DIAPH1: variants seen among roughly 807,000 people sequenced by gnomAD.
The protein encoded by DIAPH1 is protein diaphanous homolog 1.
A neutral mutation model predicts 140.7 loss-of-function variants in DIAPH1; 46 were observed. The observed-to-expected ratio is 0.33, with a 90% CI of 0.26 to 0.42. DIAPH1 has a LOEUF of 0.42. DIAPH1 is among the 10% of genes least tolerant of loss of function. The probability of loss-of-function intolerance (pLI) is 1.00; values close to 1 mark genes in which losing one functional copy is unlikely to be tolerated. For missense variants in DIAPH1, 1,310 were observed against 1,558.7 expected, an observed-to-expected ratio of 0.84 and a Z score of 2.69; for synonymous variants, 565 against 551.6, an observed-to-expected ratio of 1.02 and a Z score of -0.34.
chr5:141,573,933 G>A lies in DIAPH1; in HGVS notation c.1917C>T (p.Ile639=), dbSNP rs1221908801. 6.4e-7 allele frequency: 1 copy of A among 1,551,180 alleles called. No individual in the cohort carries two copies. Among genetic ancestry groups the A allele is most frequent in the Admixed American group, 2.0e-5 (1 of 50,724 alleles). Reference sequence around the variant, plus strand: ...CCCCAGACAAAGGAGGGGGTGGAGAGATAGCAGTACCTCCAGGTAAAGAAG... The same window carrying A: ...CCCCAGACAAAGGAGGGGGTGGAGAAATAGCAGTACCTCCAGGTAAAGAAG... The part of the protein sequence containing the change: ...SPPSLPGGTA[I]SPPPPLSGDA... The change falls in exon 16 of 28, where the codon ATC becomes ATT. Residue 639 remains isoleucine, a synonymous_variant. Coordinates refer to ENST00000389054, the MANE Select transcript of DIAPH1 (RefSeq NM_005219.5).
chr5:141,524,183 C>T lies in DIAPH1; in HGVS notation c.3621G>A (p.Gln1207=). 6.2e-7 allele frequency: 1 copy of T among 1,614,180 alleles called. No individual in the cohort carries two copies. Among genetic ancestry groups the T allele is most frequent in the Non-Finnish European group, 8.5e-7 (1 of 1,180,036 alleles). The change falls in exon 27 of 28, where the codon CAG becomes CAA. Residue 1207 remains glutamine, a synonymous_variant. Transcript: ENST00000389054. ...GVMDSLLEAL[Q]SGAAFRRKRG... The stretch of plus-strand genomic sequence containing the variant: ...TCTTCCGTCGGAATGCTGCCCCTGA[C>T]TGCAGGGCTTCTAGAAGACTGTCCA...
At chr5:141,588,473 GAAAA>G (rs368869644) in intron 1 of DIAPH1, among the ~76,000 whole-genome samples, 1 of 86,642 alleles carries the variant, frequency 1.2e-5, no homozygotes, top group Non-Finnish European at 2.5e-5. Context: ...TCTTAAAAAG[GAAAA>G]AAAAAAAAAA....
chr5:141,577,125 C>T (rs1011407401), intron 12 of DIAPH1, among the ~76,000 whole-genome samples: 3 of 152,190 alleles, frequency 2.0e-5, no homozygotes, highest in South Asian at 2.1e-4. Flanking sequence ...TAAAAATTTG[C>T]GTTTGATCCT....
chr5:141,591,653 T>TA (rs1013898969), intron 1 of DIAPH1, among the ~76,000 whole-genome samples: 1 of 138,308 alleles, frequency 7.2e-6, no homozygotes, highest in Non-Finnish European at 1.5e-5. Flanking sequence ...CAATATCCAC[T>TA]AACTCTCGCC....
Position 141,527,699 on chromosome 5 carries a change from T to TAAAAAAAAAAAAAAAAAA in DIAPH1, c.3149-20_3149-3dup. 1.3e-5 allele frequency: 15 copies of TAAAAAAAAAAAAAAAAAA among 1,130,064 alleles called. No individual in the cohort carries two copies. The highest frequency in any genetic ancestry group is 4.2e-5 in the Admixed American group (1 of 23,834). 70.0% of individuals were successfully genotyped at this position (1,130,064 alleles called of 1,614,324 possible). A position where few individuals can be genotyped will look rare whatever the true frequency, so the allele number is the denominator to read the frequency against. On this transcript the variant is annotated splice_polypyrimidine_tract_variant and splice_region_variant and intron_variant, in intron 23 of 27. Transcript: ENST00000389054. The stretch of plus-strand genomic sequence containing the variant: ...TCTTTTGCAAGTTTTCAGCAGAAAC[T>TAAAAAAAAAAAAAAAAAA]AAAAAAAAAAAAAAAAAAAAAAACC...
chr5:141,574,951 C>T lies in DIAPH1; in HGVS notation c.1641+16G>A. On this transcript the variant is annotated intron_variant, in intron 15 of 27. Transcript: ENST00000389054. ...TGAGGTTACAGGTCATTCTGCCTTC[C>T]CTGCTCAGGCATTACCTCTCCTGTG... 1 of 1,614,076 alleles carries T rather than the reference C, an allele frequency of 6.2e-7. No homozygotes were observed. Among genetic ancestry groups the T allele is most frequent in the Admixed American group, 1.7e-5 (1 of 60,026 alleles).
chr5:141,515,727 C>A lies in DIAPH1; in HGVS notation c.*1124G>T, dbSNP rs1023232296. 1 of 152,164 alleles carries A rather than the reference C, an allele frequency of 6.6e-6. No individual in the cohort carries two copies. Among genetic ancestry groups the A allele is most frequent in the Non-Finnish European group, 1.5e-5 (1 of 68,050 alleles). The allele number at this position is 152,164 out of a possible 1,614,324, so 9.4% of individuals were successfully genotyped here. ...TACTCTTAGGCCTGGCCCAGCTCAA[C>A]CAGAGAAGGGGTTCCTCCTGTGTCG... On this transcript the variant is annotated 3_prime_UTR_variant, in exon 28 of 28. Coordinates refer to ENST00000389054, the MANE Select transcript of DIAPH1 (RefSeq NM_005219.5).
At chr5:141,529,103 A>C (rs951882554) in intron 21 of DIAPH1, 69 bp downstream of exon 21, 2 of 1,548,138 alleles carry the variant, frequency 1.3e-6, no homozygotes, top group African/African-American at 2.7e-5. Flanking sequence ...GCATATGCCC[A>C]GGCTGCTCTC....
intron 18 of DIAPH1, among the ~76,000 whole-genome samples, chr5:141,541,711 GAAGA>G (rs1319608798): frequency 2.7e-5 from 4 of 148,086 alleles, no homozygotes; most frequent in Non-Finnish European, 6.0e-5. Flanking sequence ...GAAAGAAAAA[GAAGA>G]AAGAAAGAAA....
rs1373595838 is a variant in DIAPH1, at chr5:141,526,396, G to A, written c.3339C>T (p.Thr1113=). The change falls in exon 25 of 28, where the codon ACC becomes ACT. Residue 1113 remains threonine (T), a synonymous_variant. Coordinates refer to ENST00000389054, the MANE Select transcript of DIAPH1 (RefSeq NM_005219.5). ...KLRMMHSNME[T]LYKELGEYFL... The stretch of plus-strand genomic sequence containing the variant: ...AGTACTCGCCCAGCTCCTTATAGAG[G>A]GTCTCCATGTTAGAATGCATCATCC... The A allele has an allele frequency of 1.2e-6, 2 of 1,614,034 alleles. No homozygotes were observed. The highest frequency in any genetic ancestry group is 2.2e-5 in the East Asian group (1 of 44,874).
intron 1 of DIAPH1, among the ~76,000 whole-genome samples, chr5:141,589,465 C>T (rs1364982879): frequency 6.6e-6 from 1 of 152,034 alleles, no homozygotes; most frequent in Admixed American, 6.6e-5. Flanking sequence ...TATATTGGTA[C>T]AAGGAAAGCA....
At position 141,526,383 on chromosome 5, in the gene DIAPH1, G is replaced by A. The variant is rs777586861; in HGVS notation, c.3352C>T (p.Leu1118=). The part of the protein sequence containing the change: ...HSNMETLYKE[L]GEYFLFDPKK... ...GGGTCAAAGAGGAAGTACTCGCCCAGCTCCTTATAGAGGGTCTCCATGTTA... is the reference window on the plus strand; with the variant it reads ...GGGTCAAAGAGGAAGTACTCGCCCAACTCCTTATAGAGGGTCTCCATGTTA... Residue 1118 remains leucine, a synonymous_variant, in exon 25 of 28, where the codon CTG becomes TTG. Coordinates refer to ENST00000389054, the MANE Select transcript of DIAPH1 (RefSeq NM_005219.5). The A allele has an allele frequency of 6.2e-7, 1 of 1,614,162 alleles. No homozygotes were observed. Among genetic ancestry groups the A allele is most frequent in the Non-Finnish European group, 8.5e-7 (1 of 1,180,032 alleles).
At chr5:141,577,958 T>C (rs1241827726) in intron 11 of DIAPH1, 15 of 557,750 alleles carry the variant, frequency 2.7e-5, no homozygotes, top group Non-Finnish European at 4.5e-5. Context: ...CTTAGTAAGC[T>C]AAGCTATCAC....
At chr5:141,524,424 A>G in intron 26 of DIAPH1, 195 bp from the exon 27 acceptor site, 4 of 641,770 alleles carry the variant, frequency 6.2e-6, no homozygotes, top group Non-Finnish European at 1.1e-5. Flanking sequence ...AAAAATGGTT[A>G]AAACAAAAGA....
intron 18 of DIAPH1, among the ~76,000 whole-genome samples, chr5:141,539,649 C>T (rs1368614784): frequency 6.6e-6 from 1 of 151,836 alleles, no homozygotes; most frequent in Non-Finnish European, 1.5e-5. Flanking sequence ...TTTTTTCTTG[C>T]GTCAGTTTTG....
At chr5:141,599,870 C>CT (rs5871779) in intron 1 of DIAPH1, among the ~76,000 whole-genome samples, 5 of 151,198 alleles carry the variant, frequency 3.3e-5, no homozygotes, top group Admixed American at 2.0e-4. Flanking sequence ...GCAAAATTGA[C>CT]TTTTTTTTTG....
intron 11 of DIAPH1, 57 bp downstream of exon 11, chr5:141,578,168 G>C: frequency 7.9e-7 from 1 of 1,264,560 alleles, no homozygotes; most frequent in Non-Finnish European, 1.2e-6. Context: ...ACAGGGATCA[G>C]GGAACTAAAT....
At chr5:141,554,786 T>C (rs949796990) in intron 18 of DIAPH1, among the ~76,000 whole-genome samples, 1 of 152,086 alleles carries the variant, frequency 6.6e-6, no homozygotes, top group African/African-American at 2.4e-5. Context: ...CAGATTAAAG[T>C]AGAAAATTAT....
In DIAPH1 at chr5:141,560,939, G is replaced by A. The variant is rs534157445; in HGVS notation, c.2482+10489C>T. The A allele has an allele frequency of 1.8e-5, 8 of 455,508 alleles. No homozygotes were observed. The East Asian group carries it at 2.8e-4, about 16-fold the overall frequency. 28.2% of individuals were successfully genotyped at this position (455,508 alleles called of 1,614,324 possible). A position where few individuals can be genotyped will look rare whatever the true frequency, so the allele number is the denominator to read the frequency against. On this transcript the variant is annotated intron_variant, in intron 18 of 27. Coordinates refer to ENST00000389054, the MANE Select transcript of DIAPH1 (RefSeq NM_005219.5). Reference sequence around the variant, plus strand: ...GCCAGGAAAGGGTGGGGAAAGATGAGGGGGGGAAGGGGTGGAGATGGGAGG... The same window carrying A: ...GCCAGGAAAGGGTGGGGAAAGATGAAGGGGGGAAGGGGTGGAGATGGGAGG...
Sources: allele counts gnomAD v4.1 joint callset (sites outside exome capture counted in the v4.1 genomes callset), GRCh38; gene constraint gnomAD v4.1.1; transcripts MANE v1.5; gene names NCBI Gene and HGNC (gene_info 2026-07-23, HGNC 2026-07-21).